Variants in TMED10 observed in about 807,000 individuals in gnomAD.
TMED10 encodes transmembrane emp24 domain-containing protein 10.
In TMED10, 7 loss-of-function variants were observed where a neutral mutation model predicts 23.1. That is an observed-to-expected ratio of 0.30 (90% CI 0.17 to 0.57). The LOEUF is 0.57. Among genes scored for constraint, TMED10 ranks in the 20% least tolerant of loss-of-function variants. The probability of loss-of-function intolerance (pLI) is 0.91; values close to 1 mark genes in which losing one functional copy is unlikely to be tolerated. For missense variants in TMED10, 162 were observed against 274.8 expected, an observed-to-expected ratio of 0.59 and a Z score of 2.90; for synonymous variants, 113 against 106.9, an observed-to-expected ratio of 1.06 and a Z score of -0.35.
At chr14:75,159,349 G>A (rs998704295) in intron 1 of TMED10, among the ~76,000 whole-genome samples, 1 of 152,354 alleles carries the variant, frequency 6.6e-6, no homozygotes. Flanking sequence ...ATGTCTAAAT[G>A]TAAGTGAAAC....
chr14:75,161,219 T>C (rs948134923), intron 1 of TMED10, among the ~76,000 whole-genome samples: 3 of 152,180 alleles, frequency 2.0e-5, no homozygotes, highest in African/African-American at 7.2e-5. Flanking sequence ...TGGAAACAGA[T>C]TTTTGAGCAG....
At chr14:75,145,534 C>T (rs1594866737) in intron 3 of TMED10, among the ~76,000 whole-genome samples, 1 of 152,080 alleles carries the variant, frequency 6.6e-6, no homozygotes, top group African/African-American at 2.4e-5. Flanking sequence ...GCATGTAATC[C>T]GCCAGCACTT....
chr14:75,160,773 C>G (rs543335140), intron 1 of TMED10, among the ~76,000 whole-genome samples: 2 of 152,130 alleles, frequency 1.3e-5, no homozygotes, highest in Admixed American at 6.5e-5. Flanking sequence ...GGGATGGGCA[C>G]GGTGGCTCAT....
chr14:75,147,669 C>G lies in TMED10; in HGVS notation c.406G>C (p.Glu136Gln), dbSNP rs150550970. Residue 136 changes from glutamate (E) to glutamine (Q), a missense_variant, in exon 3 of 5, where the codon GAA becomes CAA. Glu to Gln is a conservative substitution (Grantham distance 29, BLOSUM62 2). Transcript: ENST00000303575. Reference protein sequence around the residue: ...MKHGVEAKNYEEIAKVEKLKP... With the variant: ...MKHGVEAKNYQEIAKVEKLKP... ...GCTGTTAGAGCAGGACATACCTCTT[C>G]GTAATTTTTCGCCTCCACTCCATGC... 3.0e-5 allele frequency: 48 copies of G among 1,614,022 alleles called. No individual in the cohort carries two copies. Among genetic ancestry groups the G allele is most frequent in the Non-Finnish European group, 3.8e-5 (45 of 1,180,030 alleles).
intron 1 of TMED10, among the ~76,000 whole-genome samples, chr14:75,167,386 C>T (rs1241906253): frequency 1.3e-5 from 2 of 152,024 alleles, no homozygotes; most frequent in Non-Finnish European, 2.9e-5. Flanking sequence ...CCTCCCTCCC[C>T]TGCCTCTTCG....
chr14:75,160,930 G>A (rs1896078087), intron 1 of TMED10, among the ~76,000 whole-genome samples: 1 of 152,162 alleles, frequency 6.6e-6, no homozygotes, highest in Non-Finnish European at 1.5e-5. Context: ...TGTAATCCCA[G>A]CTGCTCAGGA....
At chr14:75,149,679 T>C (rs1895932477) in intron 2 of TMED10, among the ~76,000 whole-genome samples, 1 of 152,214 alleles carries the variant, frequency 6.6e-6, no homozygotes, top group South Asian at 2.1e-4. Flanking sequence ...AAGATTGTAG[T>C]TGTGGACAGA....
chr14:75,151,959 A>T, intron 2 of TMED10, 73 bp downstream of exon 2: 1 of 1,242,572 alleles, frequency 8.0e-7, no homozygotes, highest in Non-Finnish European at 1.1e-6. Context: ...CTAGATATTA[A>T]GTGCTGACTG....
Position 75,141,141 on chromosome 14 carries a change from A to C in TMED10, c.412-5255T>G, listed in dbSNP as rs74325708. Reference sequence around the variant, plus strand: ...TGTAGTAACTTCTATAACAAAAAATACACATTAAAAACAGTTCTAGTTGGG... The same window carrying C: ...TGTAGTAACTTCTATAACAAAAAATCCACATTAAAAACAGTTCTAGTTGGG... On this transcript the variant is annotated intron_variant, in intron 3 of 4. Transcript: ENST00000303575. Among the ~76,000 whole-genome samples, 1,130 of 152,332 alleles carry C rather than the reference A, an allele frequency of 7.4e-3. 45 individuals are homozygous for C. The highest frequency in any genetic ancestry group is 0.056 in the Admixed American group (863 of 15,292).
chr14:75,135,325 A>G (rs545544913), intron 4 of TMED10, among the ~76,000 whole-genome samples: 7 of 152,248 alleles, frequency 4.6e-5, no homozygotes, highest in African/African-American at 1.7e-4. Context: ...CTATAGTCCC[A>G]GCTACTTGGG....
At chr14:75,158,023 A>C (rs1896041723) in intron 1 of TMED10, among the ~76,000 whole-genome samples, 1 of 152,196 alleles carries the variant, frequency 6.6e-6, no homozygotes, top group African/African-American at 2.4e-5. Context: ...TCTGCATCCC[A>C]TGCTGCCTTC....
intron 1 of TMED10, among the ~76,000 whole-genome samples, chr14:75,156,588 A>G (rs1896021727): frequency 6.6e-6 from 1 of 152,162 alleles, no homozygotes. Flanking sequence ...GAGAAGGTAG[A>G]CATTTTAACT....
rs558600725 is a variant in TMED10, at chr14:75,164,974, G to A, written c.225+11381C>T. Among the ~76,000 whole-genome samples, 3 of 152,158 alleles carry A rather than the reference G, an allele frequency of 2.0e-5. No homozygotes were observed. In the East Asian group the frequency reaches 5.8e-4, roughly 29 times the overall value. ...AGAGAGACAGTAAGGAATCCAAGAT[G>A]ATGCCAGCTTTTCCTGTATGTGGTT... On this transcript the variant is annotated intron_variant, in intron 1 of 4. Transcript: ENST00000303575.
intron 1 of TMED10, among the ~76,000 whole-genome samples, chr14:75,157,698 G>C (rs962272279): frequency 6.6e-6 from 1 of 152,056 alleles, no homozygotes; most frequent in Non-Finnish European, 1.5e-5. Context: ...CAGCACTTTT[G>C]GGAGGCCGAG....
chr14:75,157,742 C>T (rs929821480), intron 1 of TMED10, among the ~76,000 whole-genome samples: 2 of 152,050 alleles, frequency 1.3e-5, no homozygotes, highest in African/African-American at 4.8e-5. Flanking sequence ...GTGTTTCAGA[C>T]CAGCCTGGCC....
intron 1 of TMED10, among the ~76,000 whole-genome samples, chr14:75,153,774 TCC>T (rs1566672576): frequency 2.2e-4 from 26 of 119,990 alleles, no homozygotes; most frequent in Non-Finnish European, 3.4e-4. Context: ...TATTTTTTTT[TCC>T]CTTTTTTTTT....
At chr14:75,167,482 C>G (rs1354866158) in intron 1 of TMED10, among the ~76,000 whole-genome samples, 1 of 150,828 alleles carries the variant, frequency 6.6e-6, no homozygotes, top group Non-Finnish European at 1.5e-5. Flanking sequence ...CCTCTCTGTC[C>G]TCATGCCTGG....
intron 1 of TMED10, among the ~76,000 whole-genome samples, chr14:75,170,597 T>C (rs1006745682): frequency 6.6e-6 from 1 of 152,012 alleles, no homozygotes; most frequent in Non-Finnish European, 1.5e-5. Flanking sequence ...TAAAACACAA[T>C]GATTCTAAAA....
At chr14:75,147,533 G>T in intron 3 of TMED10, 131 bp downstream of exon 3, 1 of 955,270 alleles carries the variant, frequency 1.0e-6, no homozygotes, top group Non-Finnish European at 1.7e-6. Context: ...TAAGATCATG[G>T]CTGGCTGTCA....
Sources: gnomAD v4.1 joint callset for allele counts (sites outside exome capture counted in the v4.1 genomes callset) on GRCh38, gnomAD v4.1.1 for gene constraint, MANE v1.5 for transcripts, NCBI Gene and HGNC (gene_info 2026-07-23, HGNC 2026-07-21) for gene names.